The following USP6 variants were observed in gnomAD, a reference collection of about 807,000 sequenced individuals.
USP6 encodes the protein ubiquitin carboxyl-terminal hydrolase 6.
Under a neutral mutation model 175.7 loss-of-function variants are expected in USP6, and 128 were observed. The ratio of observed to expected loss-of-function variants is 0.73; its 90% confidence interval spans 0.63 to 0.84. The LOEUF is 0.84. Ranked by LOEUF, USP6 falls within the 40% of genes least tolerant of loss-of-function variation. USP6 has a pLI of 0.00. For synonymous variants in USP6, 562 were observed against 630.6 expected, an observed-to-expected ratio of 0.89 and a Z score of 1.63; for missense variants, 1,498 against 1,760.3, an observed-to-expected ratio of 0.85 and a Z score of 2.67.
chr17:5,138,838 A>AG, intron 21 of USP6: 3 of 526,490 alleles, frequency 5.7e-6, no homozygotes, highest in South Asian at 5.4e-5. Flanking sequence ...TGGGCAGCCC[A>AG]GGGGGGCAGA....
intron 29 of USP6, 34 bp downstream of exon 29, chr17:5,147,228 C>T: frequency 2.2e-5 from 35 of 1,562,876 alleles, no homozygotes; most frequent in Non-Finnish European, 3.0e-5. Context: ...CTCATGACTG[C>T]ACCTTTAAAT....
intron 31 of USP6, among the ~76,000 whole-genome samples, chr17:5,157,343 C>T (rs2144090682): frequency 6.6e-6 from 1 of 152,320 alleles, no homozygotes; most frequent in Non-Finnish European, 1.5e-5. Context: ...GCCTCAGTCT[C>T]CCAAAGTGCT....
intron 4 of USP6, among the ~76,000 whole-genome samples, chr17:5,121,954 T>C (rs1397008007): frequency 6.6e-6 from 1 of 151,988 alleles, no homozygotes; most frequent in Admixed American, 6.6e-5. Context: ...TTAGATCACG[T>C]AGGCAATGGG....
At position 5,174,976 on chromosome 17, in the gene USP6, A is replaced by G. The variant is rs997095409; in HGVS notation, c.*1998A>G. 5.3e-6 allele frequency: 1 copy of G among 187,272 alleles called. No homozygotes were observed. Among genetic ancestry groups the G allele is most frequent in the African/African-American group, 2.3e-5 (1 of 42,732 alleles). The allele number at this position is 187,272 out of a possible 1,614,324, so 11.6% of individuals were successfully genotyped here. On this transcript the variant is annotated 3_prime_UTR_variant, in exon 38 of 38. Transcript: ENST00000574788. ...TAACTATTATCCAAACAAATTAAAT[A>G]CTGTGGTTGCCTCTATGTGCTGTTT...
chr17:5,137,250 C>G, intron 19 of USP6, 64 bp downstream of exon 19: 1 of 1,583,968 alleles, frequency 6.3e-7, no homozygotes, highest in Non-Finnish European at 8.6e-7. Flanking sequence ...CGTGCTTCCC[C>G]AGCCCGGGGG....
chr17:5,133,650 G>GGC, intron 14 of USP6, 100 bp downstream of exon 14: 30 of 556,514 alleles, frequency 5.4e-5, no homozygotes, highest in East Asian at 1.3e-4. Context: ...GGGGGGGTGG[G>GGC]AGGGGATGGT....
Position 5,133,959 on chromosome 17 carries a change from C to T in USP6, c.457C>T (p.Arg153Trp), listed in dbSNP as rs148208805. Residue 153 changes from arginine (R) to tryptophan (W), a missense_variant, in exon 15 of 38, where the codon CGG becomes TGG. Around this residue, in one of 2 missense-constraint regions of USP6, gnomAD observed 281 missense variants for 259.6 expected, o/e 1.08. Coordinates refer to ENST00000574788, the MANE Select transcript of USP6 (RefSeq NM_001304284.2). The stretch of plus-strand genomic sequence containing the variant: ...CGACCTGGACGTGAGGACGACTCTC[C>T]GGAACCATGTCTTCTTTAGGGATCG... ...HIDLDVRTTL[R>W]NHVFFRDRYG... is the part of the protein sequence containing the mutation. 4.2e-4 allele frequency: 675 copies of T among 1,614,126 alleles called. 3 individuals carry two copies. The African/African-American group carries it at 7.1e-3, about 17-fold the overall frequency.
At chr17:5,139,978 C>A (rs779500952) in intron 22 of USP6, among the ~76,000 whole-genome samples, 18 of 152,116 alleles carry the variant, frequency 1.2e-4, no homozygotes, top group Admixed American at 6.6e-5. Flanking sequence ...ATTAAGAAAG[C>A]GTGCAGCTTG....
At chr17:5,160,280 C>A (rs1275564686) in intron 31 of USP6, among the ~76,000 whole-genome samples, 1 of 152,116 alleles carries the variant, frequency 6.6e-6, no homozygotes, top group Non-Finnish European at 1.5e-5. Flanking sequence ...GACTCTTTAT[C>A]ATGGTTTCAT....
In USP6 at chr17:5,132,250, C is replaced by T; in HGVS notation, c.156-146C>T. 1.3e-6 allele frequency: 2 copies of T among 1,598,080 alleles called. No individual in the cohort carries two copies. Among genetic ancestry groups the T allele is most frequent in the Non-Finnish European group, 1.7e-6 (2 of 1,171,186 alleles). On this transcript the variant is annotated intron_variant, in intron 11 of 37. Transcript: ENST00000574788. This position sits in a 1 kb window ranked among gnomAD's most constrained non-coding sequence, Gnocchi z 4.7. ...CTGGGAGTCAGAGCCACAGGAAGGC[C>T]CTTGTCCTCCCTTCCCTGTGCCTTC...
intron 17 of USP6, 33 bp from the exon 18 acceptor site, chr17:5,136,607 C>T: frequency 1.9e-6 from 3 of 1,608,626 alleles, no homozygotes; most frequent in Non-Finnish European, 2.5e-6. Context: ...TGGGGGAAGG[C>T]TCTGATTTCA....
intron 3 of USP6, among the ~76,000 whole-genome samples, chr17:5,121,038 C>G (rs2072646155): frequency 6.6e-6 from 1 of 152,218 alleles, no homozygotes; most frequent in African/African-American, 2.4e-5. Flanking sequence ...TCCACCACAG[C>G]TGTTTACAGG....
chr17:5,151,429 GCA>G (rs2073767287), intron 30 of USP6, among the ~76,000 whole-genome samples: 2 of 111,280 alleles, frequency 1.8e-5, no homozygotes, highest in African/African-American at 8.1e-5. Flanking sequence ...TGCAAAGTCT[GCA>G]TGTGTGTGTG....
chr17:5,163,984 G>A (rs1438235069), intron 33 of USP6, among the ~76,000 whole-genome samples: 1 of 152,150 alleles, frequency 6.6e-6, no homozygotes, highest in Non-Finnish European at 1.5e-5. Context: ...ACCTAAAAAT[G>A]CTTGCCTCAG....
Position 5,137,174 on chromosome 17 carries a change from C to T in USP6, c.813C>T (p.Asn271=), listed in dbSNP as rs151153427. 55 of 1,613,180 alleles carry T rather than the reference C, an allele frequency of 3.4e-5. No individual in the cohort carries two copies. The highest frequency in any genetic ancestry group is 8.3e-5 in the Admixed American group (5 of 59,974). ...CCTCGTTAGGCTGCCTTCTCCGGAA[C>T]CTGATTGACGGGGTAAGGAGGCATA... is the stretch of plus-strand genomic sequence containing the variant. ...QCASLGCLLR[N]LIDGISLGLT... The change falls in exon 19 of 38, where the codon AAC becomes AAT. Residue 271 remains asparagine (N), a synonymous_variant. Transcript: ENST00000574788.
intron 28 of USP6, 92 bp downstream of exon 28, chr17:5,146,266 C>T: frequency 7.1e-7 from 1 of 1,412,010 alleles, no homozygotes; most frequent in Non-Finnish European, 9.4e-7. Flanking sequence ...GTTATGTGAC[C>T]AAGAGAGATA....
At position 5,137,645 on chromosome 17, in the gene USP6, C is replaced by G. The variant is rs1175661106; in HGVS notation, c.826-6C>G. ...CCAGGTTCTCTCATACCTGCTGTCC[C>G]CACAGATCTCTCTCGGGCTCACCCT... On this transcript the variant is annotated splice_region_variant and splice_polypyrimidine_tract_variant and intron_variant, in intron 19 of 37. Coordinates refer to ENST00000574788, the MANE Select transcript of USP6 (RefSeq NM_001304284.2). 6.2e-7 allele frequency: 1 copy of G among 1,603,548 alleles called. No homozygotes were observed. The highest frequency in any genetic ancestry group is 1.1e-5 in the South Asian group (1 of 90,992).
chr17:5,172,880 C>A lies in USP6; in HGVS notation c.4123C>A (p.Gln1375Lys). The A allele has an allele frequency of 6.2e-7, 1 of 1,613,958 alleles. No individual in the cohort carries two copies. The highest frequency in any genetic ancestry group is 8.5e-7 in the Non-Finnish European group (1 of 1,179,874). Residue 1375 changes from glutamine to lysine, a missense_variant, in exon 38 of 38, where the codon CAA becomes AAA. Gln to Lys is a moderately conservative substitution (Grantham distance 53, BLOSUM62 1). Around this residue, in one of 2 missense-constraint regions of USP6, gnomAD observed 1,217 missense variants for 1,500.8 expected, o/e 0.81. Coordinates refer to ENST00000574788, the MANE Select transcript of USP6 (RefSeq NM_001304284.2). ...TGAGCAGCAGGGGATAGACTACGCA[C>A]AATTTCTGCCAAAGATTGATGGCAA... is the stretch of plus-strand genomic sequence containing the variant. ...FYEQQGIDYAQFLPKIDGKKM... is the reference protein window; with the variant it reads ...FYEQQGIDYAKFLPKIDGKKM...
chr17:5,133,922 C>A lies in USP6; in HGVS notation c.420C>A (p.His140Gln), dbSNP rs752999007. ...MKERGKRSSE[H>Q]IHHIDLDVRT... Reference sequence around the variant, plus strand: ...AGAGGGGCAAGAGGTCATCTGAACACATCCACCACATCGACCTGGACGTGA... The same window carrying A: ...AGAGGGGCAAGAGGTCATCTGAACAAATCCACCACATCGACCTGGACGTGA... The change falls in exon 15 of 38, where the codon CAC becomes CAA. Residue 140 changes from histidine (H) to glutamine (Q), a missense_variant. Physicochemically the swap from His to Gln is conservative, Grantham distance 24. Around this residue, in one of 2 missense-constraint regions of USP6, gnomAD observed 281 missense variants for 259.6 expected, o/e 1.08. Transcript: ENST00000574788. The A allele has an allele frequency of 4.7e-5, 76 of 1,614,072 alleles. No individual in the cohort carries two copies. The highest frequency in any genetic ancestry group is 6.0e-5 in the Non-Finnish European group (71 of 1,180,028).
Sources: gnomAD v4.1 joint callset for allele counts (sites outside exome capture counted in the v4.1 genomes callset) on GRCh38, gnomAD v4.1.1 for gene constraint, gnomAD v4.1.1 regional missense constraint, Gnocchi (gnomAD v3.1) non-coding constraint, MANE v1.5 for transcripts, NCBI Gene and HGNC (gene_info 2026-07-23, HGNC 2026-07-21) for gene names.